The following SPAG16 variants were observed in gnomAD, a reference collection of about 807,000 sequenced individuals.
SPAG16 encodes the protein sperm associated antigen 16.
A neutral mutation model predicts 80.4 loss-of-function variants in SPAG16; 86 were observed. That is an observed-to-expected ratio of 1.07 (90% CI 0.90 to 1.28). SPAG16 has a LOEUF of 1.28. SPAG16 is among the 50% of genes most tolerant of loss of function. The pLI is 0.00. For missense variants in SPAG16, 870 were observed against 765.3 expected (o/e 1.14, Z -1.61); for synonymous variants, 294 against 265.9 (o/e 1.11, Z -1.03).
chr2:213,993,338 A>G (rs922945455), intron 12 of SPAG16, among the ~76,000 whole-genome samples: 3 of 152,220 alleles, frequency 2.0e-5, no homozygotes, highest in Non-Finnish European at 2.9e-5. Context: ...ATATTTTGCC[A>G]TATGTACAGG....
intron 15 of SPAG16, among the ~76,000 whole-genome samples, chr2:214,214,751 A>G (rs959918921): frequency 6.6e-6 from 1 of 151,844 alleles, no homozygotes; most frequent in Non-Finnish European, 1.5e-5. Flanking sequence ...ATTTATTTAG[A>G]ACTGGGAAAG....
At chr2:213,352,013 ATCTGGTGGTTGTATAAGCG>A (rs2065356923) in intron 7 of SPAG16, among the ~76,000 whole-genome samples, 1 of 151,990 alleles carries the variant, frequency 6.6e-6, no homozygotes, top group Middle Eastern at 3.4e-3. Context: ...GTCTCAAGAG[ATCTGGTGGTTGTATAAGCG>A]TCTGGCATTT....
intron 10 of SPAG16, among the ~76,000 whole-genome samples, chr2:213,540,029 A>ATTTTT (rs58117443): frequency 4.8e-4 from 53 of 110,824 alleles, no homozygotes; most frequent in Non-Finnish European, 6.6e-4. Flanking sequence ...ATATTTCTTA[A>ATTTTT]TTTTTTTTTT....
chr2:214,198,479 A>G (rs1483691275), intron 15 of SPAG16, among the ~76,000 whole-genome samples: 1 of 152,052 alleles, frequency 6.6e-6, no homozygotes, highest in Non-Finnish European at 1.5e-5. Context: ...TAAATATACC[A>G]CATTTGTTCA....
chr2:213,956,868 A>C (rs2044171300), intron 12 of SPAG16, among the ~76,000 whole-genome samples: 1 of 151,990 alleles, frequency 6.6e-6, no homozygotes, highest in African/African-American at 2.4e-5. Flanking sequence ...AGTATGTTTA[A>C]ATTTTCCTTG....
At chr2:213,534,654 C>T (rs2076180883) in intron 10 of SPAG16, among the ~76,000 whole-genome samples, 1 of 152,056 alleles carries the variant, frequency 6.6e-6, no homozygotes, top group African/African-American at 2.4e-5. Flanking sequence ...GTATGATTCT[C>T]TTGCTGTGAA....
intron 10 of SPAG16, among the ~76,000 whole-genome samples, chr2:213,683,311 G>A (rs544977449): frequency 4.3e-4 from 66 of 152,142 alleles, no homozygotes; most frequent in Non-Finnish European, 7.9e-4. Context: ...AGCACTTTGG[G>A]AGGTTAAGCC....
intron 10 of SPAG16, among the ~76,000 whole-genome samples, chr2:213,537,201 T>C (rs988659217): frequency 6.7e-6 from 1 of 148,428 alleles, no homozygotes; most frequent in Non-Finnish European, 1.5e-5. Context: ...TTAGGAGATA[T>C]ACCTAATGCT....
chr2:214,212,816 G>A (rs2058329869), intron 15 of SPAG16, among the ~76,000 whole-genome samples: 1 of 152,162 alleles, frequency 6.6e-6, no homozygotes, highest in Admixed American at 6.5e-5. Flanking sequence ...CTAACTAATA[G>A]CCAGTTGAAG....
At chr2:213,894,753 G>A (rs1195217328) in intron 11 of SPAG16, among the ~76,000 whole-genome samples, 1 of 152,160 alleles carries the variant, frequency 6.6e-6, no homozygotes, top group Non-Finnish European at 1.5e-5. Flanking sequence ...CATTTTGGGA[G>A]GCTGAGGCAG....
intron 7 of SPAG16, among the ~76,000 whole-genome samples, chr2:213,353,696 C>T (rs1575327053): frequency 6.6e-6 from 1 of 152,126 alleles, no homozygotes; most frequent in East Asian, 1.9e-4. Context: ...CATCTCGTCC[C>T]TCAGGCACAG....
At chr2:214,247,845 A>G (rs535323261) in intron 15 of SPAG16, among the ~76,000 whole-genome samples, 1 of 152,240 alleles carries the variant, frequency 6.6e-6, no homozygotes, top group African/African-American at 2.4e-5. Flanking sequence ...CAGCTTGGGC[A>G]ACAGAGTGAG....
intron 15 of SPAG16, among the ~76,000 whole-genome samples, chr2:214,409,503 C>T (rs1299031652): frequency 6.6e-6 from 1 of 151,978 alleles, no homozygotes; most frequent in Non-Finnish European, 1.5e-5. Context: ...ATACCCTGTG[C>T]TGTATTTAGC....
At chr2:213,287,180 A>T (rs2062086805) in intron 1 of SPAG16, among the ~76,000 whole-genome samples, 1 of 152,244 alleles carries the variant, frequency 6.6e-6, no homozygotes, top group Non-Finnish European at 1.5e-5. Flanking sequence ...TTGCAGCATT[A>T]TAAACTATAA....
At chr2:213,868,548 C>G (rs12466276) in intron 11 of SPAG16, among the ~76,000 whole-genome samples, 90,397 of 152,026 alleles carry the variant, frequency 0.59, 28,758 homozygotes, top group South Asian at 0.85. Flanking sequence ...CTACACCAGA[C>G]GACTGCTTCA....
chr2:213,962,560 G>A (rs1013186697), intron 12 of SPAG16, among the ~76,000 whole-genome samples: 2 of 152,152 alleles, frequency 1.3e-5, no homozygotes, highest in Admixed American at 6.5e-5. Flanking sequence ...TGTGAGGACA[G>A]CAAGAATATG....
At chr2:214,405,177 T>C (rs1184508533) in intron 15 of SPAG16, among the ~76,000 whole-genome samples, 1 of 151,782 alleles carries the variant, frequency 6.6e-6, no homozygotes, top group Non-Finnish European at 1.5e-5. Flanking sequence ...CAGAATGGAG[T>C]GTAACGGTGG....
chr2:213,668,167 G>T (rs1292289716), intron 10 of SPAG16, among the ~76,000 whole-genome samples: 2 of 151,858 alleles, frequency 1.3e-5, no homozygotes, highest in African/African-American at 4.8e-5. Context: ...TCAAACTCCT[G>T]ACCTCAGGTG....
chr2:214,307,759 T>G (rs994834216), intron 15 of SPAG16, among the ~76,000 whole-genome samples: 9 of 152,016 alleles, frequency 5.9e-5, no homozygotes, highest in Admixed American at 1.3e-4. Context: ...TCTGAGAGAG[T>G]GGTTGCTATG....
Sources: allele counts gnomAD v4.1 joint callset (sites outside exome capture counted in the v4.1 genomes callset), GRCh38; gene constraint gnomAD v4.1.1; transcripts MANE v1.5; gene names NCBI Gene and HGNC (gene_info 2026-07-23, HGNC 2026-07-21).